HDAC9: variants seen among roughly 807,000 people sequenced by gnomAD.
The protein encoded by HDAC9 is histone deacetylase 9, also known as MEF-2 interacting transcription repressor (MITR) protein.
In HDAC9, 41 loss-of-function variants were observed where a neutral mutation model predicts 139.4. That is an observed-to-expected ratio of 0.29 (90% confidence interval 0.23 to 0.38). HDAC9 has a LOEUF of 0.38. Ranked by LOEUF, HDAC9 falls within the 10% of genes least tolerant of loss-of-function variation. HDAC9 has a pLI of 1.00. For missense variants in HDAC9, 1,147 were observed against 1,297.0 expected (o/e 0.88, Z 1.78); for synonymous variants, 517 against 476.2 (o/e 1.09, Z -1.12).
chr7:18,749,934 C>A (rs1328050030), intron 14 of HDAC9, among the ~76,000 whole-genome samples: 2 of 152,082 alleles, frequency 1.3e-5, no homozygotes, highest in Non-Finnish European at 2.9e-5. Context: ...CTAATTATTT[C>A]TTTTACTGGG....
At chr7:18,804,119 G>A (rs1249367846) in intron 17 of HDAC9, among the ~76,000 whole-genome samples, 1 of 152,194 alleles carries the variant, frequency 6.6e-6, no homozygotes, top group African/African-American at 2.4e-5. Flanking sequence ...AAGAAGGCTA[G>A]CTCTGTTAGC....
intron 2 of HDAC9, among the ~76,000 whole-genome samples, chr7:18,272,082 T>C (rs1796390829): frequency 6.6e-6 from 1 of 152,230 alleles, no homozygotes; most frequent in African/African-American, 2.4e-5. Context: ...TGTGAAGTTT[T>C]GGAAATGTGA....
At chr7:18,834,681 C>A (rs747318212) in intron 19 of HDAC9, among the ~76,000 whole-genome samples, 2 of 152,122 alleles carry the variant, frequency 1.3e-5, no homozygotes, top group Non-Finnish European at 2.9e-5. Context: ...TGCTTTGGCC[C>A]AAATGATTTA....
intron 2 of HDAC9, among the ~76,000 whole-genome samples, chr7:18,544,185 G>A (rs952875658): frequency 6.6e-6 from 1 of 152,194 alleles, no homozygotes; most frequent in African/African-American, 2.4e-5. Context: ...TTGGATCTAG[G>A]TGACAACACT....
chr7:18,989,387 T>A (rs78627113), intron 25 of HDAC9, among the ~76,000 whole-genome samples: 1 of 151,966 alleles, frequency 6.6e-6, no homozygotes, highest in African/African-American at 2.4e-5. Context: ...TGACCCCCAC[T>A]GTCTTCTGGC....
At position 18,856,410 on chromosome 7, in the gene HDAC9, G is replaced by A. The variant is rs536986927; in HGVS notation, c.2685-18068G>A. 7.9e-5 allele frequency among the ~76,000 whole-genome samples: 12 copies of A among 152,232 alleles called. No individual in the cohort carries two copies. In the East Asian group the frequency reaches 1.9e-3, roughly 25 times the overall value. On this transcript the variant is annotated intron_variant, in intron 21 of 25. Coordinates refer to ENST00000686413, the MANE Select transcript of HDAC9 (RefSeq NM_178425.4). ...GCTATTTTGGTCACTATAATGAACA[G>A]AGGGAGTTGAACACATGGTTATCTC...
upstream of HDAC9, among the ~76,000 whole-genome samples, chr7:18,289,714 T>G (rs976143502): frequency 2.6e-5 from 4 of 152,172 alleles, no homozygotes; most frequent in Non-Finnish European, 4.4e-5. Context: ...TGACAGTGTT[T>G]TATATGTTGA....
At chr7:18,865,591 C>T (rs971421513) in intron 21 of HDAC9, among the ~76,000 whole-genome samples, 1 of 152,118 alleles carries the variant, frequency 6.6e-6, no homozygotes, top group Non-Finnish European at 1.5e-5. Flanking sequence ...GTGCCCCCCA[C>T]AAGGACCCTA....
chr7:18,276,832 A>C (rs921681216), intron 2 of HDAC9, among the ~76,000 whole-genome samples: 8 of 152,210 alleles, frequency 5.3e-5, no homozygotes, highest in African/African-American at 1.7e-4. Context: ...ACATTTTAAT[A>C]GGACAATATT....
At chr7:18,445,342 T>A (rs1792189829) in intron 1 of HDAC9, among the ~76,000 whole-genome samples, 1 of 152,192 alleles carries the variant, frequency 6.6e-6, no homozygotes, top group Admixed American at 6.6e-5. Context: ...TAGGCTATTT[T>A]TCAATGAGTT....
At chr7:18,470,272 C>T (rs976953683) in intron 1 of HDAC9, among the ~76,000 whole-genome samples, 4 of 151,780 alleles carry the variant, frequency 2.6e-5, no homozygotes. Flanking sequence ...ATGGTTGCAC[C>T]ACTGTACTCC....
At chr7:18,380,742 GT>G (rs1483573633) in intron 1 of HDAC9, among the ~76,000 whole-genome samples, 2 of 152,132 alleles carry the variant, frequency 1.3e-5, no homozygotes, top group African/African-American at 4.8e-5. Flanking sequence ...GAGGTTTTTT[GT>G]TTGTTTTTAA....
intron 1 of HDAC9, among the ~76,000 whole-genome samples, chr7:18,442,723 C>G (rs1791903687): frequency 6.6e-6 from 1 of 152,072 alleles, no homozygotes; most frequent in South Asian, 2.1e-4. Flanking sequence ...TCTTTAGACT[C>G]TAGTGTCATG....
At chr7:18,130,422 C>T (rs1584224667) in intron 1 of HDAC9, among the ~76,000 whole-genome samples, 1 of 152,150 alleles carries the variant, frequency 6.6e-6, no homozygotes, top group East Asian at 1.9e-4. Flanking sequence ...TGTTTTATTC[C>T]CTTACTAAAT....
chr7:18,174,906 G>C (rs1478687626), intron 2 of HDAC9, among the ~76,000 whole-genome samples: 6 of 152,198 alleles, frequency 3.9e-5, no homozygotes, highest in African/African-American at 1.2e-4. Flanking sequence ...AGGCTACATG[G>C]CGGCCAGGGA....
intron 1 of HDAC9, among the ~76,000 whole-genome samples, chr7:18,296,619 C>A (rs568351781): frequency 1.3e-5 from 2 of 152,188 alleles, no homozygotes; most frequent in South Asian, 4.1e-4. Context: ...TATCCCCAAA[C>A]GAAGTATGAA....
At chr7:18,661,299 A>T (rs1025867410) in intron 11 of HDAC9, among the ~76,000 whole-genome samples, 2 of 152,136 alleles carry the variant, frequency 1.3e-5, no homozygotes, top group African/African-American at 4.8e-5. Context: ...GGTGATCAAT[A>T]CAATTGGGTT....
intron 22 of HDAC9, among the ~76,000 whole-genome samples, chr7:18,918,844 C>T (rs78695255): frequency 1.3e-5 from 2 of 152,126 alleles, no homozygotes; most frequent in East Asian, 3.9e-4. Flanking sequence ...TGTTTAAAAA[C>T]TTAGTTTTAA....
chr7:18,173,945 G>T (rs1788665869), intron 2 of HDAC9, among the ~76,000 whole-genome samples: 1 of 152,150 alleles, frequency 6.6e-6, no homozygotes, highest in Non-Finnish European at 1.5e-5. Flanking sequence ...TCTCGAGGAG[G>T]AGTATCTTTG....
Sources: allele counts gnomAD v4.1 joint callset (sites outside exome capture counted in the v4.1 genomes callset), GRCh38; gene constraint gnomAD v4.1.1; transcripts MANE v1.5; gene names NCBI Gene and HGNC (gene_info 2026-07-23, HGNC 2026-07-21).